COL4A3: variants seen among roughly 807,000 people sequenced by gnomAD.
COL4A3 encodes collagen type IV alpha 3 chain.
Under a neutral mutation model 217.4 loss-of-function variants are expected in COL4A3, and 135 were observed. The observed-to-expected ratio is 0.62, with a 90% CI of 0.54 to 0.72. The LOEUF (loss-of-function observed/expected upper bound fraction) is 0.72, where lower values mean the gene tolerates loss of function less well. Among genes scored for constraint, COL4A3 ranks in the 30% least tolerant of loss-of-function variants. The pLI, the probability that COL4A3 is intolerant of heterozygous loss-of-function variation, is 0.00. For synonymous variants in COL4A3, 690 were observed against 736.3 expected, an observed-to-expected ratio of 0.94 and a Z score of 1.02; for missense variants, 1,868 against 2,119.9, an observed-to-expected ratio of 0.88 and a Z score of 2.33.
intron 1 of COL4A3, among the ~76,000 whole-genome samples, chr2:227,237,513 C>T (rs77694580): frequency 0.11 from 16,185 of 152,064 alleles, 1,000 homozygotes; most frequent in East Asian, 0.28. Flanking sequence ...TATACACATA[C>T]ACATATATGA....
At chr2:227,205,960 C>T (rs892471910) in intron 1 of COL4A3, among the ~76,000 whole-genome samples, 2 of 152,128 alleles carry the variant, frequency 1.3e-5, no homozygotes, top group African/African-American at 4.8e-5. Context: ...TGGTTCTCAC[C>T]CTGGACTCTA....
chr2:227,295,969 C>A (rs1251154815), intron 41 of COL4A3, among the ~76,000 whole-genome samples: 2 of 152,190 alleles, frequency 1.3e-5, no homozygotes, highest in African/African-American at 4.8e-5. Flanking sequence ...ATTGTTTGCA[C>A]ATTTCATTGA....
rs1453480456 is a variant in COL4A3 at position 227,314,319 on chromosome 2, C to A, written c.*2449C>A. ...CAGCTGTTCAGTTGCACTTCTAAGACTTTACTTAGCAGTAAATTATAGCTC... is the reference window on the plus strand; with the variant it reads ...CAGCTGTTCAGTTGCACTTCTAAGAATTTACTTAGCAGTAAATTATAGCTC... On this transcript the variant is annotated 3_prime_UTR_variant, in exon 52 of 52. Coordinates refer to ENST00000396578, the MANE Select transcript of COL4A3 (RefSeq NM_000091.5). 1.3e-5 allele frequency: 2 copies of A among 152,620 alleles called. No homozygotes were observed. The highest frequency in any genetic ancestry group is 4.8e-5 in the African/African-American group (2 of 41,432). 9.5% of individuals were successfully genotyped at this position (152,620 alleles called of 1,614,324 possible).
chr2:227,187,769 T>C (rs1002548810), intron 1 of COL4A3, among the ~76,000 whole-genome samples: 1 of 152,168 alleles, frequency 6.6e-6, no homozygotes, highest in African/African-American at 2.4e-5. Flanking sequence ...AGCTTCCACA[T>C]CATGGTTTCT....
At chr2:227,182,790 C>G (rs2065900040) in intron 1 of COL4A3, among the ~76,000 whole-genome samples, 1 of 152,156 alleles carries the variant, frequency 6.6e-6, no homozygotes, top group Non-Finnish European at 1.5e-5. Context: ...TCTATTGAAA[C>G]AGAATATCAA....
rs1429135743 is a variant in COL4A3, at chr2:227,294,483, T to C, written c.3338-7T>C. 15 of 1,594,104 alleles carry C rather than the reference T, an allele frequency of 9.4e-6. No individual in the cohort carries two copies. The African/African-American group carries it at 1.1e-4, about 11-fold the overall frequency. ...TTTTTTCTTCCTTCCCCTCTCTTCA[T>C]TTCCAGGAAAGCCAGGTCCTCATGG... On this transcript the variant is annotated splice_polypyrimidine_tract_variant and splice_region_variant and intron_variant, in intron 38 of 51. Transcript: ENST00000396578.
chr2:227,298,898 TTGATGTTAACTGTATTAGTCCATTCTCA>T, intron 43 of COL4A3, 86 bp downstream of exon 43: 1 of 1,280,994 alleles, frequency 7.8e-7, no homozygotes, highest in Non-Finnish European at 1.1e-6. Flanking sequence ...TCATATATTG[TTGATGTTAACTGTATTAGTCCATTCTCA>T]TGATGTTAAT....
intron 1 of COL4A3, among the ~76,000 whole-genome samples, chr2:227,231,563 C>T (rs2068408056): frequency 6.6e-6 from 1 of 152,042 alleles, no homozygotes; most frequent in Admixed American, 6.6e-5. Context: ...TTCTGTTGCC[C>T]AGGCTGGAGT....
chr2:227,244,450 T>G, intron 4 of COL4A3, 86 bp downstream of exon 4: 3 of 1,246,164 alleles, frequency 2.4e-6, no homozygotes, highest in East Asian at 2.3e-5. Context: ...AGGAGTACAC[T>G]GTGTATGGTT....
intron 1 of COL4A3, among the ~76,000 whole-genome samples, chr2:227,168,620 T>G (rs1172127358): frequency 6.6e-6 from 1 of 152,220 alleles, no homozygotes; most frequent in Non-Finnish European, 1.5e-5. Flanking sequence ...TGTATAATAC[T>G]GTTTTCACTA....
At chr2:227,256,119 T>C (rs749701956) in intron 16 of COL4A3, 49 bp downstream of exon 16, 1 of 1,546,990 alleles carries the variant, frequency 6.5e-7, no homozygotes, top group South Asian at 1.1e-5. Context: ...TCAGTCCTAC[T>C]AGCTGAAGAA....
intron 6 of COL4A3, 78 bp from the exon 7 acceptor site, chr2:227,246,607 A>T: frequency 8.5e-7 from 1 of 1,171,994 alleles, no homozygotes; most frequent in Non-Finnish European, 1.3e-6. Context: ...CAAGGTTGGA[A>T]GCGAGAAACA....
chr2:227,288,241 T>C (rs1401393846), intron 34 of COL4A3, among the ~76,000 whole-genome samples: 1 of 152,074 alleles, frequency 6.6e-6, no homozygotes, highest in African/African-American at 2.4e-5. Flanking sequence ...GGATTACAGG[T>C]GTGTGCCACC....
chr2:227,178,287 T>TG (rs11417566), intron 1 of COL4A3, among the ~76,000 whole-genome samples: 26,330 of 151,858 alleles, frequency 0.17, 2,448 homozygotes, highest in Admixed American at 0.26. Flanking sequence ...GAGGCTGAGG[T>TG]GGGAGGATCG....
chr2:227,262,572 T>C (rs1311125706), intron 20 of COL4A3, among the ~76,000 whole-genome samples: 1 of 152,192 alleles, frequency 6.6e-6, no homozygotes, highest in East Asian at 1.9e-4. Flanking sequence ...TTCACCAGTG[T>C]TTTATAGTTT....
At chr2:227,174,657 C>A (rs957248538) in intron 1 of COL4A3, among the ~76,000 whole-genome samples, 5 of 152,088 alleles carry the variant, frequency 3.3e-5, no homozygotes, top group African/African-American at 4.8e-5. Flanking sequence ...CAGGCACCTG[C>A]CACTATGCCC....
chr2:227,224,842 GTC>G (rs1286283713), intron 1 of COL4A3, among the ~76,000 whole-genome samples: 4 of 152,104 alleles, frequency 2.6e-5, no homozygotes, highest in African/African-American at 9.7e-5. Context: ...GAGATGAACT[GTC>G]TTTTTATTGC....
chr2:227,286,239 C>T (rs982522367), intron 34 of COL4A3, among the ~76,000 whole-genome samples: 1 of 152,070 alleles, frequency 6.6e-6, no homozygotes, highest in Admixed American at 6.6e-5. Flanking sequence ...CGGCTGTAAT[C>T]CCAGTATTTT....
intron 1 of COL4A3, among the ~76,000 whole-genome samples, chr2:227,205,038 A>G (rs186733767): frequency 1.3e-5 from 2 of 152,344 alleles, no homozygotes; most frequent in Admixed American, 6.5e-5. Context: ...ACATTTGATT[A>G]TATTGCAAAT....
Sources: allele counts gnomAD v4.1 joint callset (sites outside exome capture counted in the v4.1 genomes callset), GRCh38; gene constraint gnomAD v4.1.1; transcripts MANE v1.5; gene names NCBI Gene and HGNC (gene_info 2026-07-23, HGNC 2026-07-21).